Variants in KCNH1 observed in about 807,000 individuals in gnomAD.
KCNH1 encodes potassium voltage-gated channel subfamily H member 1.
KCNH1 carries 27 observed loss-of-function variants against 69.2 expected under a neutral mutation model. The ratio of observed to expected loss-of-function variants is 0.39; its 90% CI spans 0.29 to 0.54. The LOEUF (loss-of-function observed/expected upper bound fraction) is 0.54. Among genes scored for constraint, KCNH1 ranks in the 20% least tolerant of loss-of-function variants. KCNH1 has a pLI of 0.68. For missense variants in KCNH1, 798 were observed against 1,261.6 expected, an observed-to-expected ratio of 0.63 and a Z score of 5.57; for synonymous variants, 456 against 487.7, an observed-to-expected ratio of 0.93 and a Z score of 0.86.
intron 7 of KCNH1, among the ~76,000 whole-genome samples, chr1:210,849,298 T>G (rs914478654): frequency 2.6e-5 from 4 of 152,066 alleles, no homozygotes; most frequent in Admixed American, 6.6e-5. Flanking sequence ...TGAATTAGAA[T>G]AGAGTTTGTC....
intron 10 of KCNH1, among the ~76,000 whole-genome samples, chr1:210,753,082 C>T (rs1038950405): frequency 6.6e-6 from 1 of 152,064 alleles, no homozygotes; most frequent in Non-Finnish European, 1.5e-5. Context: ...GAAATGTGGC[C>T]CTACCAACAC....
chr1:210,693,389 C>A (rs185276115), intron 10 of KCNH1, among the ~76,000 whole-genome samples: 552 of 152,316 alleles, frequency 3.6e-3, no homozygotes, highest in Non-Finnish European at 5.6e-3. Flanking sequence ...CCTAGTTCTT[C>A]TTCAGTGCAG....
chr1:210,876,427 CTTGT>C (rs948711627), intron 7 of KCNH1, among the ~76,000 whole-genome samples: 8 of 152,218 alleles, frequency 5.3e-5, no homozygotes, highest in African/African-American at 7.2e-5. Context: ...TTGGAATTTG[CTTGT>C]TTAACAGTAG....
chr1:210,830,156 C>A (rs1473762809), intron 7 of KCNH1, among the ~76,000 whole-genome samples: 1 of 152,142 alleles, frequency 6.6e-6, no homozygotes, highest in Non-Finnish European at 1.5e-5. Context: ...CCATCTCAAG[C>A]TTTGTTGTCT....
intron 6 of KCNH1, 68 bp downstream of exon 6, chr1:211,018,714 CT>C (rs373270277): frequency 2.3e-5 from 28 of 1,221,408 alleles, no homozygotes; most frequent in African/African-American, 1.5e-4. Context: ...AATTATTCTT[CT>C]GTTGACCACC....
chr1:211,080,682 A>T (rs1690838879), intron 5 of KCNH1, among the ~76,000 whole-genome samples: 1 of 152,236 alleles, frequency 6.6e-6, no homozygotes, highest in Admixed American at 6.5e-5. Context: ...CAACCATCTG[A>T]TCTTTGACAA....
chr1:211,052,265 A>C (rs1474433319), intron 5 of KCNH1, among the ~76,000 whole-genome samples: 1 of 152,236 alleles, frequency 6.6e-6, no homozygotes, highest in Non-Finnish European at 1.5e-5. Context: ...TAGGGCTGGA[A>C]GGCAACAGGA....
At position 211,045,122 on chromosome 1, in the gene KCNH1, T is replaced by C. The variant is rs534678031; in HGVS notation, c.559-25866A>G. ...TGAATTAATGGCATTCACAGCAACCTGGATGAGATCGGAGACTATTATTCT... is the reference window on the plus strand; with the variant it reads ...TGAATTAATGGCATTCACAGCAACCCGGATGAGATCGGAGACTATTATTCT... On this transcript the variant is annotated intron_variant, in intron 5 of 10. Transcript: ENST00000271751. Among the ~76,000 whole-genome samples, 5 of 140,040 alleles carry C rather than the reference T, an allele frequency of 3.6e-5. No individual in the cohort carries two copies. In the South Asian group the frequency reaches 1.1e-3, roughly 32 times the overall value. 91.9% of individuals were successfully genotyped at this position (140,040 alleles called of 152,430 possible). A position where few individuals can be genotyped will look rare whatever the true frequency, so the allele number is the denominator to read the frequency against.
chr1:210,832,615 A>G (rs1685186343), intron 7 of KCNH1, among the ~76,000 whole-genome samples: 1 of 152,166 alleles, frequency 6.6e-6, no homozygotes. Flanking sequence ...GTAACCTCAA[A>G]AAAAAGTCAA....
At chr1:210,869,526 T>TGC (rs1170678848) in intron 7 of KCNH1, among the ~76,000 whole-genome samples, 2 of 143,696 alleles carry the variant, frequency 1.4e-5, no homozygotes, top group Non-Finnish European at 3.1e-5. Flanking sequence ...TGTGTGTGTG[T>TGC]GCTTTTAGGC....
chr1:211,000,122 T>C (rs2102399198), intron 6 of KCNH1, among the ~76,000 whole-genome samples: 1 of 152,316 alleles, frequency 6.6e-6, no homozygotes, highest in South Asian at 2.1e-4. Flanking sequence ...ATGTCCTCTC[T>C]CACCACTCCT....
intron 10 of KCNH1, among the ~76,000 whole-genome samples, chr1:210,718,841 A>G (rs1356653964): frequency 1.3e-5 from 2 of 151,884 alleles, no homozygotes; most frequent in Non-Finnish European, 2.9e-5. Flanking sequence ...GAGCCAATGA[A>G]GTGTGAAGAG....
At position 211,134,013 on chromosome 1, in the gene KCNH1, C is replaced by T. The variant is rs909336458; in HGVS notation, c.-68G>A. 5.7e-6 allele frequency: 8 copies of T among 1,412,880 alleles called. No homozygotes were observed. In the African/African-American group the frequency reaches 1.0e-4, roughly 18 times the overall value. 87.5% of individuals were successfully genotyped at this position (1,412,880 alleles called of 1,614,324 possible). A position where few individuals can be genotyped will look rare whatever the true frequency, so the allele number is the denominator to read the frequency against. On this transcript the variant is annotated 5_prime_UTR_variant, in exon 1 of 11. Transcript: ENST00000271751. This position sits in a 1 kb window ranked among gnomAD's most constrained non-coding sequence, Gnocchi z 5.7. ...TCTTACGACAGCAGGAAACTGGCCT[C>T]GGGGCCCGCACGCAGTCCCGGCTCG...
intron 10 of KCNH1, among the ~76,000 whole-genome samples, chr1:210,697,687 A>T (rs961665375): frequency 1.3e-5 from 2 of 152,212 alleles, no homozygotes; most frequent in African/African-American, 4.8e-5. Flanking sequence ...GGGAGGTTGT[A>T]TCCTTCTGGC....
At chr1:210,959,395 G>C (rs1574362154) in intron 6 of KCNH1, among the ~76,000 whole-genome samples, 2 of 152,268 alleles carry the variant, frequency 1.3e-5, no homozygotes, top group Admixed American at 6.5e-5. Flanking sequence ...TGAGGAGGCA[G>C]GCCGTCCGTT....
chr1:211,035,491 GC>G (rs1689881080), intron 5 of KCNH1, among the ~76,000 whole-genome samples: 1 of 151,328 alleles, frequency 6.6e-6, no homozygotes, highest in African/African-American at 2.4e-5. Flanking sequence ...CTCGTGATCC[GC>G]CCGCCTCGGC....
intron 6 of KCNH1, among the ~76,000 whole-genome samples, chr1:210,969,331 T>C (rs1211322649): frequency 6.6e-6 from 1 of 152,066 alleles, no homozygotes; most frequent in Non-Finnish European, 1.5e-5. Context: ...AAACTTTACA[T>C]ATAAAAACTT....
chr1:210,810,260 A>G (rs1684675675), intron 7 of KCNH1, among the ~76,000 whole-genome samples: 1 of 152,184 alleles, frequency 6.6e-6, no homozygotes, highest in African/African-American at 2.4e-5. Flanking sequence ...CTTGCTATTG[A>G]GAAGTCAGAA....
chr1:210,837,208 C>T (rs1305598670), intron 7 of KCNH1, among the ~76,000 whole-genome samples: 1 of 152,170 alleles, frequency 6.6e-6, no homozygotes, highest in African/African-American at 2.4e-5. Flanking sequence ...TAACTCCCTT[C>T]ATTCCTGGAG....
Sources: gnomAD v4.1 joint callset for allele counts (sites outside exome capture counted in the v4.1 genomes callset) on GRCh38, gnomAD v4.1.1 for gene constraint, Gnocchi (gnomAD v3.1) non-coding constraint, MANE v1.5 for transcripts, NCBI Gene and HGNC (gene_info 2026-07-23, HGNC 2026-07-21) for gene names.